The following COMMD10 variants were observed in gnomAD, a reference collection of about 807,000 sequenced individuals.
COMMD10 encodes the protein COMM domain containing 10.
A neutral mutation model predicts 28.9 loss-of-function variants in COMMD10; 33 were observed. The observed-to-expected ratio is 1.14, with a 90% confidence interval of 0.87 to 1.53. The LOEUF is 1.53. Ranked by LOEUF, COMMD10 falls within the 40% of genes most tolerant of loss-of-function variation. The pLI, the probability that COMMD10 is intolerant of heterozygous loss-of-function variation, is 0.00. For synonymous variants in COMMD10, 110 were observed against 81.7 expected (o/e 1.35, Z -1.87); for missense variants, 310 against 233.4 (o/e 1.33, Z -2.14).
rs576390503 is a variant in COMMD10, at chr5:116,177,127, G to A, written c.510+42949G>A. Among the ~76,000 whole-genome samples the A allele has an allele frequency of 1.5e-4, 23 of 152,192 alleles. No homozygotes were observed. In the South Asian group the frequency reaches 3.9e-3, roughly 26 times the overall value. The stretch of plus-strand genomic sequence containing the variant: ...TGATAGGTAGCATGTTCTAGATCAC[G>A]TACTATTGTGTTGGAAGAGCCTCAG... On this transcript the variant is annotated intron_variant, in intron 5 of 6. Coordinates refer to ENST00000274458, the MANE Select transcript of COMMD10 (RefSeq NM_016144.4).
At chr5:116,187,603 A>G (rs555815715) in intron 5 of COMMD10, among the ~76,000 whole-genome samples, 1 of 152,228 alleles carries the variant, frequency 6.6e-6, no homozygotes, top group Admixed American at 6.5e-5. Flanking sequence ...ATGCATTAAC[A>G]TTCTCTAAAT....
intron 5 of COMMD10, among the ~76,000 whole-genome samples, chr5:116,162,047 CTGAT>C (rs1752935401): frequency 6.6e-6 from 1 of 152,090 alleles, no homozygotes; most frequent in African/African-American, 2.4e-5. Flanking sequence ...CACTTTTTGA[CTGAT>C]TGTAATATAT....
At chr5:116,132,066 C>T (rs565395684) in intron 4 of COMMD10, among the ~76,000 whole-genome samples, 4 of 151,844 alleles carry the variant, frequency 2.6e-5, no homozygotes, top group South Asian at 4.2e-4. Flanking sequence ...GATGATGGGA[C>T]GAGGTTCTAT....
intron 5 of COMMD10, among the ~76,000 whole-genome samples, chr5:116,138,016 G>T (rs1383645241): frequency 1.3e-5 from 2 of 151,764 alleles, no homozygotes; most frequent in Admixed American, 1.3e-4. Flanking sequence ...GCCTTTTCTG[G>T]CATTCACAGT....
intron 5 of COMMD10, among the ~76,000 whole-genome samples, chr5:116,274,846 A>G (rs916556440): frequency 6.6e-6 from 1 of 151,740 alleles, no homozygotes; most frequent in Non-Finnish European, 1.5e-5. Context: ...CTTAAGCAGT[A>G]CTTTGTGTTA....
chr5:116,226,699 G>T (rs2112650041), intron 5 of COMMD10, among the ~76,000 whole-genome samples: 1 of 152,092 alleles, frequency 6.6e-6, no homozygotes, highest in East Asian at 1.9e-4. Flanking sequence ...GGGAAATAAA[G>T]ATAATAGAAA....
At chr5:116,257,805 A>T in intron 5 of COMMD10, among the ~76,000 whole-genome samples, 1 of 151,806 alleles carries the variant, frequency 6.6e-6, no homozygotes, top group Non-Finnish European at 1.5e-5. Flanking sequence ...TAAGATTCTT[A>T]TATGTGGACC....
intron 5 of COMMD10, among the ~76,000 whole-genome samples, chr5:116,211,333 T>C (rs1310517241): frequency 6.6e-6 from 1 of 152,178 alleles, no homozygotes; most frequent in African/African-American, 2.4e-5. Context: ...CTATATCATA[T>C]AGCCTGTTAC....
chr5:116,260,565 T>C (rs13362043), intron 5 of COMMD10, among the ~76,000 whole-genome samples: 16,037 of 151,836 alleles, frequency 0.11, 1,077 homozygotes, highest in African/African-American at 0.15. Flanking sequence ...TGTACTTTAA[T>C]GGAGATCACA....
At chr5:116,116,141 A>G (rs114629805) in intron 4 of COMMD10, among the ~76,000 whole-genome samples, 72 of 152,278 alleles carry the variant, frequency 4.7e-4, no homozygotes, top group African/African-American at 1.7e-3. Flanking sequence ...TGGATAGACA[A>G]TAGTCCTAAG....
chr5:116,118,447 T>C (rs1464382922), intron 4 of COMMD10, among the ~76,000 whole-genome samples: 1 of 128,320 alleles, frequency 7.8e-6, no homozygotes, highest in East Asian at 2.1e-4. Context: ...ATGTGCAATA[T>C]TCCATCCTTA....
At chr5:116,216,726 G>T (rs973192311) in intron 5 of COMMD10, among the ~76,000 whole-genome samples, 2 of 151,940 alleles carry the variant, frequency 1.3e-5, no homozygotes, top group African/African-American at 4.8e-5. Context: ...TAGAGATGGG[G>T]AATTTCACCA....
At chr5:116,224,881 T>C (rs1159740969) in intron 5 of COMMD10, among the ~76,000 whole-genome samples, 1 of 152,244 alleles carries the variant, frequency 6.6e-6, no homozygotes, top group Non-Finnish European at 1.5e-5. Context: ...GGTTCTGTGA[T>C]AACATTTAGG....
At chr5:116,224,254 C>A (rs1458742175) in intron 5 of COMMD10, among the ~76,000 whole-genome samples, 1 of 152,124 alleles carries the variant, frequency 6.6e-6, no homozygotes, top group Non-Finnish European at 1.5e-5. Flanking sequence ...GTTGGGAATT[C>A]GTTTATTCCT....
At chr5:116,170,318 A>G (rs1753280007) in intron 5 of COMMD10, among the ~76,000 whole-genome samples, 1 of 152,192 alleles carries the variant, frequency 6.6e-6, no homozygotes, top group Admixed American at 6.5e-5. Flanking sequence ...ACTGCAAACA[A>G]CTTCTCAAGG....
intron 5 of COMMD10, among the ~76,000 whole-genome samples, chr5:116,147,219 C>A (rs538772998): frequency 6.6e-6 from 1 of 151,950 alleles, no homozygotes; most frequent in South Asian, 2.1e-4. Context: ...ATTTTAGTTA[C>A]TTTATCATAT....
chr5:116,171,912 A>T (rs539173459), intron 5 of COMMD10, among the ~76,000 whole-genome samples: 1 of 152,292 alleles, frequency 6.6e-6, no homozygotes, highest in South Asian at 2.1e-4. Context: ...CCACCATGGC[A>T]CGTGTATACC....
At chr5:116,137,685 C>T (rs1752067439) in intron 5 of COMMD10, among the ~76,000 whole-genome samples, 1 of 151,858 alleles carries the variant, frequency 6.6e-6, no homozygotes, top group Non-Finnish European at 1.5e-5. Flanking sequence ...TTCTAACATA[C>T]AAATGAAAAA....
chr5:116,149,822 T>G (rs1752459667), intron 5 of COMMD10, among the ~76,000 whole-genome samples: 1 of 147,046 alleles, frequency 6.8e-6, no homozygotes, highest in Non-Finnish European at 1.5e-5. Context: ...TTCACTCTGA[T>G]GGTAGTTTCT....
Sources: gnomAD v4.1 joint callset for allele counts (sites outside exome capture counted in the v4.1 genomes callset) on GRCh38, gnomAD v4.1.1 for gene constraint, MANE v1.5 for transcripts, NCBI Gene and HGNC (gene_info 2026-07-23, HGNC 2026-07-21) for gene names.